Variants in KLC4 observed in about 807,000 individuals in gnomAD.
The protein encoded by KLC4 is kinesin light chain 4, also known as kinesin-like protein 8.
KLC4 carries 49 observed loss-of-function variants against 77.2 expected under a neutral mutation model. The ratio of observed to expected loss-of-function variants is 0.63; its 90% CI spans 0.50 to 0.80. The LOEUF (loss-of-function observed/expected upper bound fraction) is 0.80, where lower values mean the gene tolerates loss of function less well. Ranked by LOEUF, KLC4 falls within the 30% of genes least tolerant of loss-of-function variation. KLC4 has a pLI of 0.00. For missense variants in KLC4, 669 were observed against 793.5 expected (o/e 0.84, Z 1.89); for synonymous variants, 274 against 314.5 (o/e 0.87, Z 1.36).
In KLC4 at chr6:43,072,243, GTCCCGGA is replaced by G. The variant is rs1765771356; in HGVS notation, c.1477_1483del (p.Ser493AspfsTer33). 1 of 1,613,686 alleles carries G rather than the reference GTCCCGGA, an allele frequency of 6.2e-7. No homozygotes were observed. The highest frequency in any genetic ancestry group is 1.3e-5 in the African/African-American group (1 of 74,936). ...AGACCCTGGAGGAATGTGCCCTGCG[GTCCCGGA>G]GACAGGTCAGAAGCCCAGAGGGGAA... On this transcript the variant is annotated frameshift_variant, in exon 12 of 16. Coordinates refer to ENST00000347162, the MANE Select transcript of KLC4 (RefSeq NM_201521.3). LOFTEE classifies it high-confidence loss of function.
At chr6:43,072,517 ACCT>A (rs1401909986) in intron 12 of KLC4, among the ~76,000 whole-genome samples, 5 of 152,176 alleles carry the variant, frequency 3.3e-5, no homozygotes, top group East Asian at 3.9e-4. Context: ...TAAGGAGGGG[ACCT>A]GGGTGGTATG....
Position 43,073,913 on chromosome 6 carries a change from A to G in KLC4, c.1757A>G (p.Lys586Arg). 1 of 1,614,118 alleles carries G rather than the reference A, an allele frequency of 6.2e-7. No homozygotes were observed. Among genetic ancestry groups the G allele is most frequent in the Non-Finnish European group, 8.5e-7 (1 of 1,179,968 alleles). ...GTTTTCCATTGTAGCAGCAACATGAAGCGAGCAGCCTCCTTGAACTATCTG... is the reference window on the plus strand; with the variant it reads ...GTTTTCCATTGTAGCAGCAACATGAGGCGAGCAGCCTCCTTGAACTATCTG... ...TEPRPSSSNM[K>R]RAASLNYLNQ... Residue 586 changes from lysine to arginine, a missense_variant, in exon 15 of 16, where the codon AAG becomes AGG. By Grantham distance (26) the Lys-to-Arg change is conservative. Transcript: ENST00000347162.
At chr6:43,069,227 A>AGTTT (rs781368481) in intron 6 of KLC4, among the ~76,000 whole-genome samples, 1 of 151,710 alleles carries the variant, frequency 6.6e-6, no homozygotes, top group Non-Finnish European at 1.5e-5. Context: ...AAAAATGAAA[A>AGTTT]GTTTGTTTGT....
chr6:43,073,187 T>A (rs1424130786), intron 13 of KLC4, 36 bp from the exon 14 acceptor site: 2 of 1,555,690 alleles, frequency 1.3e-6, no homozygotes, highest in Admixed American at 1.7e-5. Context: ...CTGTGTGGGA[T>A]CCTTGTAGCT....
In KLC4 at chr6:43,061,381, C is replaced by T. The variant is rs779684039; in HGVS notation, c.46C>T (p.Arg16Trp). Residue 16 changes from arginine (R) to tryptophan (W), a missense_variant, in exon 2 of 16, where the codon CGG becomes TGG. Transcript: ENST00000347162. Reference sequence around the variant, plus strand: ...GCAGCGGGATGAGCCTGCAGGCCACCGGCTCAGCCAAGAGGAGATCCTGGG... The same window carrying T: ...GCAGCGGGATGAGCCTGCAGGCCACTGGCTCAGCCAAGAGGAGATCCTGGG... ...LGQRDEPAGHRLSQEEILGST... is the reference protein window; with the variant it reads ...LGQRDEPAGHWLSQEEILGST... The T allele has an allele frequency of 2.0e-5, 32 of 1,613,850 alleles. No individual in the cohort carries two copies. Among genetic ancestry groups the T allele is most frequent in the South Asian group, 1.5e-4 (14 of 91,086 alleles).
At position 43,072,240 on chromosome 6, in the gene KLC4, G is replaced by C. The variant is rs57512910; in HGVS notation, c.1473G>C (p.Leu491=). 6.2e-7 allele frequency: 1 copy of C among 1,613,952 alleles called. No individual in the cohort carries two copies. Among genetic ancestry groups the C allele is most frequent in the South Asian group, 1.1e-5 (1 of 91,070 alleles). The change falls in exon 12 of 16, where the codon CTG becomes CTC. Residue 491 remains leucine (L), a synonymous_variant. Transcript: ENST00000347162. ...CTGAGACCCTGGAGGAATGTGCCCT[G>C]CGGTCCCGGAGACAGGTCAGAAGCC... ...EAAETLEECA[L]RSRRQGTDPI... is the part of the protein sequence containing the mutation.
At chr6:43,065,432 C>T (rs1765370491) in intron 3 of KLC4, 188 bp from the exon 4 acceptor site, 4 of 534,892 alleles carry the variant, frequency 7.5e-6, no homozygotes, top group Non-Finnish European at 1.3e-5. Context: ...TCCAAAGCAT[C>T]TCTGGCTGTT....
rs199882936 is a variant in KLC4 at position 43,071,272 on chromosome 6, C to T, written c.1156-3C>T. 503 of 1,607,936 alleles carry T rather than the reference C, an allele frequency of 3.1e-4. 5 individuals are homozygous for T. In the South Asian group the frequency reaches 5.3e-3, roughly 17 times the overall value. On this transcript the variant is annotated splice_polypyrimidine_tract_variant and splice_region_variant and intron_variant, in intron 8 of 15. Transcript: ENST00000347162. The stretch of plus-strand genomic sequence containing the variant: ...CCTGTATTTTTGCCTTTCTGTCCTC[C>T]AGGCTTCCTGTTACCTGAAACAGGG...
chr6:43,065,063 A>C (rs530905938), intron 3 of KLC4, among the ~76,000 whole-genome samples: 12 of 152,140 alleles, frequency 7.9e-5, no homozygotes, highest in Non-Finnish European at 1.5e-4. Context: ...TTAGAAAGGA[A>C]ACTTTTTTTT....
chr6:43,071,702 C>A, intron 10 of KLC4, 83 bp downstream of exon 10: 1 of 1,491,988 alleles, frequency 6.7e-7, no homozygotes, highest in South Asian at 1.2e-5. Context: ...GCCCAACTCT[C>A]ACTTCCCATC....
intron 6 of KLC4, 197 bp downstream of exon 6, chr6:43,067,280 T>C: frequency 1.6e-6 from 2 of 1,234,290 alleles, no homozygotes; most frequent in Non-Finnish European, 2.1e-6. Flanking sequence ...AGTGACTCCT[T>C]TTTATAACAA....
chr6:43,063,137 G>C lies in KLC4; in HGVS notation c.479G>C (p.Gly160Ala), dbSNP rs772821318. ...CAGCTGCGGCAGTATGATGAGGATG[G>C]ACATACCTCGGTGAGTGTGCACAGG... is the stretch of plus-strand genomic sequence containing the variant. ...LGQLRQYDED[G>A]HTSEEKEGDA... Residue 160 changes from glycine to alanine, a missense_variant, in exon 3 of 16, where the codon GGA (glycine) becomes GCA (alanine). Gly to Ala is a moderately conservative substitution (Grantham distance 60, BLOSUM62 0). Transcript: ENST00000347162. The C allele has an allele frequency of 5.6e-6, 9 of 1,612,480 alleles. No individual in the cohort carries two copies. The South Asian group carries it at 9.9e-5, about 18-fold the overall frequency.
chr6:43,059,745 G>T (rs1267570863), intron 1 of KLC4, 60 bp downstream of exon 1: 7 of 1,216,888 alleles, frequency 5.8e-6, no homozygotes, highest in African/African-American at 1.6e-5. Flanking sequence ...TCTTATTCTC[G>T]CACTACCAGA....
At position 43,065,631 on chromosome 6, in the gene KLC4, A is replaced by C. The variant is rs546457829; in HGVS notation, c.501A>C (p.Glu167Asp). 6 of 1,613,656 alleles carry C rather than the reference A, an allele frequency of 3.7e-6. No homozygotes were observed. In the Admixed American group the frequency reaches 8.3e-5, roughly 22 times the overall value. Residue 167 changes from glutamate (E) to aspartate (D), a missense_variant, in exon 4 of 16, where the codon GAA (glutamate) becomes GAC (aspartate). By Grantham distance (45) the Glu-to-Asp change is conservative. Transcript: ENST00000347162. ...DEDGHTSEEK[E>D]GDATKDSLDD... ...TTCTTCCCTTCCAGGAGGAGAAAGA[A>C]GGCGATGCCACCAAGGATTCCCTGG...
chr6:43,068,336 G>T lies in KLC4; in HGVS notation c.879+1253G>T, dbSNP rs1211836101. Among the ~76,000 whole-genome samples, 6 of 150,538 alleles carry T rather than the reference G, an allele frequency of 4.0e-5. No homozygotes were observed. The East Asian group carries it at 1.2e-3, about 30-fold the overall frequency. ...AAAATACAAAAATTAGCCGGGCGTG[G>T]TGGGGGGCACTTGTAATCCCAGCTA... On this transcript the variant is annotated intron_variant, in intron 6 of 15. Coordinates refer to ENST00000347162, the MANE Select transcript of KLC4 (RefSeq NM_201521.3).
In KLC4 at chr6:43,070,863, C is replaced by T. The variant is rs778393669; in HGVS notation, c.1153C>T (p.Leu385=). The T allele has an allele frequency of 1.9e-6, 3 of 1,566,176 alleles. No homozygotes were observed. Among genetic ancestry groups the T allele is most frequent in the East Asian group, 2.3e-5 (1 of 43,176 alleles). ...TAATGTAGCCCGGACCAAGAACAACCTGGTATGGGAGGAGGGACAAAGTAG... is the reference window on the plus strand; with the variant it reads ...TAATGTAGCCCGGACCAAGAACAACTTGGTATGGGAGGAGGGACAAAGTAG... ...NPNVARTKNN[L]ASCYLKQGKY... The change falls in exon 8 of 16, where the codon CTG becomes TTG. Residue 385 remains leucine (L), a splice_region_variant and synonymous_variant. Coordinates refer to ENST00000347162, the MANE Select transcript of KLC4 (RefSeq NM_201521.3).
At chr6:43,062,714 G>A (rs1765223963) in intron 2 of KLC4, 1 of 589,702 alleles carries the variant, frequency 1.7e-6, no homozygotes, top group Admixed American at 3.0e-5. Flanking sequence ...GGAATTGATA[G>A]TGGCTTGGTC....
intron 12 of KLC4, 61 bp downstream of exon 12, chr6:43,072,316 C>T (rs780674707): frequency 2.4e-4 from 321 of 1,322,934 alleles, no homozygotes; most frequent in Non-Finnish European, 3.4e-4. Context: ...GAGAGAGTGC[C>T]GAGGTTTCTT....
At position 43,061,373 on chromosome 6, in the gene KLC4, C is replaced by G. The variant is rs1039864041; in HGVS notation, c.38C>G (p.Ala13Gly). The G allele has an allele frequency of 1.1e-5, 18 of 1,613,706 alleles. No homozygotes were observed. Among genetic ancestry groups the G allele is most frequent in the Non-Finnish European group, 1.5e-5 (18 of 1,180,026 alleles). The change falls in exon 2 of 16, where the codon GCA becomes GGA. Residue 13 changes from alanine (A) to glycine (G), a missense_variant. Transcript: ENST00000347162. ...GLVLGQRDEP[A>G]GHRLSQEEIL... ...GTGTTGGGGCAGCGGGATGAGCCTGCAGGCCACCGGCTCAGCCAAGAGGAG... is the reference window on the plus strand; with the variant it reads ...GTGTTGGGGCAGCGGGATGAGCCTGGAGGCCACCGGCTCAGCCAAGAGGAG...
Sources: allele counts gnomAD v4.1 joint callset (sites outside exome capture counted in the v4.1 genomes callset), GRCh38; gene constraint gnomAD v4.1.1; transcripts MANE v1.5; gene names NCBI Gene and HGNC (gene_info 2026-07-23, HGNC 2026-07-21).